The following ITLN1 variants were observed in gnomAD, a reference collection of about 807,000 sequenced individuals.
ITLN1 encodes intelectin 1.
ITLN1 carries 29 observed loss-of-function variants against 36.2 expected under a neutral mutation model. The ratio of observed to expected loss-of-function variants is 0.80; its 90% CI spans 0.60 to 1.09. ITLN1 has a LOEUF of 1.09. ITLN1 is among the 50% of genes least tolerant of loss of function. ITLN1 has a pLI of 0.00. For missense variants in ITLN1, 358 were observed against 405.2 expected, an observed-to-expected ratio of 0.88 and a Z score of 1.00; for synonymous variants, 143 against 146.5, an observed-to-expected ratio of 0.98 and a Z score of 0.17.
At chr1:160,882,625 T>G (rs1670699892) in intron 3 of ITLN1, among the ~76,000 whole-genome samples, 1 of 152,148 alleles carries the variant, frequency 6.6e-6, no homozygotes, top group South Asian at 2.1e-4. Flanking sequence ...ATGGTGTGTG[T>G]GCATATATGT....
chr1:160,884,606 C>T (rs1670728140), intron 2 of ITLN1, among the ~76,000 whole-genome samples: 1 of 152,118 alleles, frequency 6.6e-6, no homozygotes, highest in African/African-American at 2.4e-5. Context: ...CCCCTCAGGG[C>T]CACACAAAAG....
At chr1:160,880,778 G>T in intron 5 of ITLN1, 70 bp from the exon 6 acceptor site, 3 of 1,544,918 alleles carry the variant, frequency 1.9e-6, no homozygotes, top group Middle Eastern at 1.7e-4. Context: ...CTCCTGGGAT[G>T]CTGCCATTCA....
Position 160,879,396 on chromosome 1 carries a change from A to C in ITLN1, c.704T>G (p.Phe235Cys). Residue 235 changes from phenylalanine (F) to cysteine (C), a missense_variant, in exon 7 of 8, where the codon TTT becomes TGT. Phe to Cys is a radical substitution (Grantham distance 205). Transcript: ENST00000326245. ...PYGQREFTAGFVQFRVFNNER... is the reference protein window; with the variant it reads ...PYGQREFTAGCVQFRVFNNER... ...GTTATTAAATACCCTGAACTGAACA[A>C]ATCCCGCAGTGAATTCCCCTGAAAA... is the stretch of plus-strand genomic sequence containing the variant. The C allele has an allele frequency of 6.2e-7, 1 of 1,614,024 alleles. No homozygotes were observed. The highest frequency in any genetic ancestry group is 8.5e-7 in the Non-Finnish European group (1 of 1,179,882).
intron 2 of ITLN1, among the ~76,000 whole-genome samples, chr1:160,884,100 G>T (rs551489478): frequency 6.6e-6 from 1 of 151,376 alleles, no homozygotes; most frequent in Non-Finnish European, 1.5e-5. Flanking sequence ...TGATTTATCA[G>T]TAGGAAGCCA....
Position 160,880,578 on chromosome 1 carries a change from A to G in ITLN1, c.685+10T>C, listed in dbSNP as rs1320227374. On this transcript the variant is annotated intron_variant, in intron 6 of 7. Coordinates refer to ENST00000326245, the MANE Select transcript of ITLN1 (RefSeq NM_017625.3). Reference sequence around the variant, plus strand: ...CCTACCAGGAGTTCAGAGGATCATTAAAGACTCACGCTGGCCATAGGGTGA... The same window carrying G: ...CCTACCAGGAGTTCAGAGGATCATTGAAGACTCACGCTGGCCATAGGGTGA... 6.8e-6 allele frequency: 11 copies of G among 1,613,754 alleles called. No individual in the cohort carries two copies. Among genetic ancestry groups the G allele is most frequent in the Middle Eastern group, 1.7e-4 (1 of 6,060 alleles).
chr1:160,884,749 G>GT, intron 2 of ITLN1, 71 bp downstream of exon 2: 3 of 1,051,308 alleles, frequency 2.9e-6, no homozygotes, highest in Non-Finnish European at 3.0e-6. Flanking sequence ...CATGCTCTGT[G>GT]TCCTGGGAGA....
rs374425877 is a variant in ITLN1, at chr1:160,882,092, C to A, written c.270G>T (p.Met90Ile). 6.2e-7 allele frequency: 1 copy of A among 1,614,212 alleles called. No homozygotes were observed. Among genetic ancestry groups the A allele is most frequent in the Non-Finnish European group, 8.5e-7 (1 of 1,180,038 alleles). Residue 90 changes from methionine (M) to isoleucine (I), a missense_variant, in exon 4 of 8, where the codon ATG (methionine) becomes ATT (isoleucine). Transcript: ENST00000326245. ...TLVASVHEND[M>I]RGKCTVGDRW... The stretch of plus-strand genomic sequence containing the variant: ...GATCGCCCACCGTGCACTTCCCACG[C>A]ATGTCATTCTCGTGCACGCTGGCCA...
rs151006223 is a variant in ITLN1, at chr1:160,882,135, C to A, written c.227G>T (p.Gly76Val). Residue 76 changes from glycine (G) to valine (V), a missense_variant, in exon 4 of 8, where the codon GGT becomes GTT. Transcript: ENST00000326245. Reference sequence around the variant, plus strand: ...GCTGGCCACCAGGGTCCAGCCGCCACCCCCAGAGGTCATGTCACAGAAGGT... The same window carrying A: ...GCTGGCCACCAGGGTCCAGCCGCCAACCCCAGAGGTCATGTCACAGAAGGT... ...YQTFCDMTSG[G>V]GGWTLVASVH... The A allele has an allele frequency of 7.4e-5, 120 of 1,612,360 alleles. No individual in the cohort carries two copies. The African/African-American group carries it at 1.3e-3, about 17-fold the overall frequency.
chr1:160,880,503 T>G (rs1670657436), intron 6 of ITLN1, 85 bp downstream of exon 6: 2 of 1,414,234 alleles, frequency 1.4e-6, no homozygotes, highest in African/African-American at 2.8e-5. Context: ...AGAACCAAGC[T>G]TCAGTCCGAT....
chr1:160,879,540 GC>G, intron 6 of ITLN1, 126 bp from the exon 7 acceptor site: 1 of 716,814 alleles, frequency 1.4e-6, no homozygotes, highest in Non-Finnish European at 2.4e-6. Flanking sequence ...TACTGGTGGA[GC>G]CCAGCACCCC....
intron 4 of ITLN1, 136 bp from the exon 5 acceptor site, chr1:160,881,448 C>A: frequency 1.0e-6 from 1 of 955,076 alleles, no homozygotes; most frequent in Non-Finnish European, 1.5e-6. Context: ...TCAGACACCC[C>A]ACTCCCAGCC....
chr1:160,884,747 G>T, intron 2 of ITLN1, 73 bp downstream of exon 2: 1 of 1,019,796 alleles, frequency 9.8e-7, no homozygotes, highest in Non-Finnish European at 1.5e-6. Context: ...GACATGCTCT[G>T]TGTCCTGGGA....
At chr1:160,877,193 C>T (rs901568973) in intron 7 of ITLN1, among the ~76,000 whole-genome samples, 8 of 151,672 alleles carry the variant, frequency 5.3e-5, no homozygotes, top group South Asian at 2.1e-4. Flanking sequence ...GCTTAGATCA[C>T]GCCATTGTAC....
intron 7 of ITLN1, among the ~76,000 whole-genome samples, chr1:160,878,795 A>T (rs1178246182): frequency 6.6e-6 from 1 of 152,148 alleles, no homozygotes; most frequent in Non-Finnish European, 1.5e-5. Context: ...TTAACATTTC[A>T]ACCACAAAAA....
At chr1:160,878,630 C>A (rs1670630634) in intron 7 of ITLN1, among the ~76,000 whole-genome samples, 1 of 152,156 alleles carries the variant, frequency 6.6e-6, no homozygotes, top group Non-Finnish European at 1.5e-5. Flanking sequence ...AAGAGATCCA[C>A]CTGCCTTGCC....
rs1485834306 is a variant in ITLN1, at chr1:160,882,059, G to A, written c.303C>T (p.Ser101=). The A allele has an allele frequency of 6.2e-7, 1 of 1,614,022 alleles. No homozygotes were observed. Among genetic ancestry groups the A allele is most frequent in the Admixed American group, 1.7e-5 (1 of 60,010 alleles). ...RGKCTVGDRW[S]SQQGSKAVYP... is the part of the protein sequence containing the mutation. ...AGACTGCTTTGCTGCCCTGCTGACTGGACCAGCGATCGCCCACCGTGCACT... is the reference window on the plus strand; with the variant it reads ...AGACTGCTTTGCTGCCCTGCTGACTAGACCAGCGATCGCCCACCGTGCACT... The change falls in exon 4 of 8, where the codon TCC becomes TCT. Residue 101 remains serine, a synonymous_variant. Coordinates refer to ENST00000326245, the MANE Select transcript of ITLN1 (RefSeq NM_017625.3).
rs912864727 is a variant in ITLN1, at chr1:160,883,363, AAGAC to A, written c.157+61_157+64del. On this transcript the variant is annotated intron_variant, in intron 3 of 7. Transcript: ENST00000326245. ...CATAATTTTTTAACTAAAAGACAAAAAGACTCCCAGAAGACACAATCCTGATACC... is the reference window on the plus strand; with the variant it reads ...CATAATTTTTTAACTAAAAGACAAAATCCCAGAAGACACAATCCTGATACC... The A allele has an allele frequency of 3.6e-6, 4 of 1,101,978 alleles. No homozygotes were observed. The African/African-American group carries it at 6.3e-5, about 17-fold the overall frequency. 68.3% of individuals were successfully genotyped at this position (1,101,978 alleles called of 1,614,324 possible).
chr1:160,881,638 A>ATC (rs537692652), intron 4 of ITLN1: 10 of 498,014 alleles, frequency 2.0e-5, no homozygotes, highest in African/African-American at 9.9e-5. Flanking sequence ...GTGAAACCCC[A>ATC]TCTCTACTAA....
chr1:160,882,374 A>G (rs1670696152), intron 3 of ITLN1, 170 bp from the exon 4 acceptor site: 1 of 677,322 alleles, frequency 1.5e-6, no homozygotes, highest in Admixed American at 3.4e-5. Flanking sequence ...TCAGAAGATC[A>G]TGCTCCTGTA....
Sources: allele counts gnomAD v4.1 joint callset (sites outside exome capture counted in the v4.1 genomes callset), GRCh38; gene constraint gnomAD v4.1.1; transcripts MANE v1.5; gene names NCBI Gene and HGNC (gene_info 2026-07-23, HGNC 2026-07-21).